THSD7B: variants seen among roughly 807,000 people sequenced by gnomAD.
The protein encoded by THSD7B is thrombospondin type-1 domain-containing protein 7B.
THSD7B carries 138 observed loss-of-function variants against 213.6 expected under a neutral mutation model. The observed-to-expected ratio is 0.65, with a 90% CI of 0.56 to 0.74. The LOEUF (loss-of-function observed/expected upper bound fraction) is 0.74. THSD7B is among the 30% of genes least tolerant of loss of function. THSD7B has a pLI of 0.00. For missense variants in THSD7B, 1,931 were observed against 1,991.5 expected (o/e 0.97, Z 0.58); for synonymous variants, 742 against 687.0 (o/e 1.08, Z -1.25).
chr2:136,974,874 T>G (rs987560311), intron 2 of THSD7B, among the ~76,000 whole-genome samples: 3 of 152,214 alleles, frequency 2.0e-5, no homozygotes, highest in Admixed American at 1.3e-4. Context: ...GTTTCTTCAC[T>G]GTTTAATAAT....
chr2:136,862,833 A>C (rs1282070747), intron 1 of THSD7B, among the ~76,000 whole-genome samples: 6 of 152,236 alleles, frequency 3.9e-5, no homozygotes, highest in Non-Finnish European at 5.9e-5. Context: ...TCTATATCAC[A>C]TTCTCTCACT....
At chr2:137,630,750 AGC>A (rs1456855594) in intron 20 of THSD7B, among the ~76,000 whole-genome samples, 1 of 152,130 alleles carries the variant, frequency 6.6e-6, no homozygotes, top group Non-Finnish European at 1.5e-5. Context: ...CTTTTGTAGG[AGC>A]CGCTTTCTCT....
chr2:137,006,399 A>AATACATACATAC (rs60604756), intron 2 of THSD7B, among the ~76,000 whole-genome samples: 202 of 149,466 alleles, frequency 1.4e-3, no homozygotes, highest in East Asian at 0.011. Flanking sequence ...CGTCTCAAGA[A>AATACATACATAC]ATACATACAT....
chr2:137,007,291 T>G (rs556964451), intron 2 of THSD7B, among the ~76,000 whole-genome samples: 5 of 152,282 alleles, frequency 3.3e-5, no homozygotes, highest in African/African-American at 1.2e-4. Flanking sequence ...GTGGGCAGCT[T>G]AAATTATGCC....
intron 2 of THSD7B, among the ~76,000 whole-genome samples, chr2:136,977,094 T>C (rs1301765395): frequency 1.3e-5 from 2 of 152,116 alleles, no homozygotes; most frequent in Non-Finnish European, 2.9e-5. Context: ...ATCTGTCTGG[T>C]CCTAAGCTTT....
intron 2 of THSD7B, among the ~76,000 whole-genome samples, chr2:136,956,516 T>C (rs1361363096): frequency 6.6e-6 from 1 of 151,412 alleles, no homozygotes; most frequent in East Asian, 1.9e-4. Context: ...TATTTTTTTT[T>C]AGTCTGTTGA....
chr2:137,345,119 T>C (rs1477752435), intron 12 of THSD7B, among the ~76,000 whole-genome samples: 1 of 151,686 alleles, frequency 6.6e-6, no homozygotes. Context: ...TAAATTGATA[T>C]ATCAAATAAT....
chr2:137,151,962 T>A (rs1679827229), intron 5 of THSD7B, among the ~76,000 whole-genome samples: 1 of 151,808 alleles, frequency 6.6e-6, no homozygotes, highest in Non-Finnish European at 1.5e-5. Context: ...AGGGTGACCT[T>A]TGCACCCGGT....
chr2:137,019,174 CT>C (rs1457241647), intron 2 of THSD7B, among the ~76,000 whole-genome samples: 2 of 152,192 alleles, frequency 1.3e-5, no homozygotes, highest in African/African-American at 4.8e-5. Context: ...GGACACCCCA[CT>C]CGCCTCCATT....
chr2:137,008,642 T>C (rs576908719), intron 2 of THSD7B, among the ~76,000 whole-genome samples: 1 of 152,270 alleles, frequency 6.6e-6, no homozygotes, highest in South Asian at 2.1e-4. Context: ...TGTAAAGAGA[T>C]AAAACTCCTA....
chr2:136,911,492 A>G (rs1684256620), intron 2 of THSD7B, among the ~76,000 whole-genome samples: 1 of 152,248 alleles, frequency 6.6e-6, no homozygotes, highest in African/African-American at 2.4e-5. Flanking sequence ...CAAGGCAATG[A>G]TTCACTAACG....
At chr2:137,348,725 G>C (rs79944392) in intron 12 of THSD7B, among the ~76,000 whole-genome samples, 1 of 34,916 alleles carries the variant, frequency 2.9e-5, no homozygotes, top group Non-Finnish European at 6.1e-5. Context: ...TTTTTTTTTT[G>C]TTCCTTTTCA....
intron 12 of THSD7B, among the ~76,000 whole-genome samples, chr2:137,393,790 G>A (rs1205055628): frequency 1.4e-5 from 2 of 141,474 alleles, no homozygotes; most frequent in African/African-American, 5.2e-5. Flanking sequence ...GTGTAAAAGT[G>A]TTCCCATTTC....
chr2:137,453,987 A>G (rs148724843), intron 15 of THSD7B, among the ~76,000 whole-genome samples: 32 of 152,278 alleles, frequency 2.1e-4, no homozygotes, highest in African/African-American at 7.7e-4. Context: ...TATCTATATC[A>G]CATTTTCTTC....
chr2:136,897,630 C>G (rs7574588), intron 2 of THSD7B, among the ~76,000 whole-genome samples: 1 of 152,150 alleles, frequency 6.6e-6, no homozygotes, highest in Non-Finnish European at 1.5e-5. Context: ...GTTGCCGCTG[C>G]GGGCTCAGGT....
chr2:136,831,259 A>G (rs1368454375), intron 1 of THSD7B, among the ~76,000 whole-genome samples: 1 of 151,882 alleles, frequency 6.6e-6, no homozygotes, highest in Non-Finnish European at 1.5e-5. Context: ...TCTCAGTTAA[A>G]GATTAAAAAT....
At chr2:136,821,568 G>A (rs561074424) in intron 1 of THSD7B, among the ~76,000 whole-genome samples, 2 of 152,078 alleles carry the variant, frequency 1.3e-5, no homozygotes, top group Non-Finnish European at 2.9e-5. Context: ...GTCCTTTTTT[G>A]TTATTGACAA....
chr2:137,175,821 T>C (rs114201526), intron 7 of THSD7B, among the ~76,000 whole-genome samples: 1,677 of 152,284 alleles, frequency 0.011, 36 homozygotes, highest in African/African-American at 0.038. Context: ...TTTGTTTTGT[T>C]TGTTTGTTTT....
At chr2:136,802,674 T>TATATAC (rs2104923292) in intron 1 of THSD7B, among the ~76,000 whole-genome samples, 1 of 124,632 alleles carries the variant, frequency 8.0e-6, no homozygotes, top group South Asian at 2.6e-4. Context: ...TATATATATA[T>TATATAC]ATATATATGT....
Sources: allele counts gnomAD v4.1 joint callset (sites outside exome capture counted in the v4.1 genomes callset), GRCh38; gene constraint gnomAD v4.1.1; transcripts MANE v1.5; gene names NCBI Gene and HGNC (gene_info 2026-07-23, HGNC 2026-07-21).